FBXL7: variants seen among roughly 807,000 people sequenced by gnomAD.
FBXL7 encodes F-box/LRR-repeat protein 7.
Under a neutral mutation model 38.3 loss-of-function variants are expected in FBXL7, and 12 were observed. The observed-to-expected ratio is 0.31, with a 90% CI of 0.20 to 0.51. FBXL7 has a LOEUF of 0.51. FBXL7 is among the 20% of genes least tolerant of loss of function. FBXL7 has a pLI of 0.98. For missense variants in FBXL7, 567 were observed against 676.4 expected (o/e 0.84, Z 1.79); for synonymous variants, 297 against 300.9 (o/e 0.99, Z 0.13).
intron 2 of FBXL7, among the ~76,000 whole-genome samples, chr5:15,645,028 A>G (rs1741487256): frequency 6.6e-6 from 1 of 152,212 alleles, no homozygotes; most frequent in South Asian, 2.1e-4. Context: ...GGGCTAAATG[A>G]TATACAAGGC....
intron 2 of FBXL7, among the ~76,000 whole-genome samples, chr5:15,795,660 A>G (rs571159899): frequency 4.4e-4 from 67 of 152,294 alleles, no homozygotes; most frequent in African/African-American, 1.5e-3. Flanking sequence ...AAATCAGCTT[A>G]TGGATTTTGT....
intron 2 of FBXL7, among the ~76,000 whole-genome samples, chr5:15,882,992 C>A (rs1740522791): frequency 6.6e-6 from 1 of 151,730 alleles, no homozygotes. Flanking sequence ...TAAAATGGGA[C>A]CCAGCTTGCT....
intron 2 of FBXL7, among the ~76,000 whole-genome samples, chr5:15,856,361 C>A (rs1739272026): frequency 6.6e-6 from 1 of 151,942 alleles, no homozygotes; most frequent in Non-Finnish European, 1.5e-5. Flanking sequence ...GGACACAGAG[C>A]TAAACCAGGG....
At chr5:15,719,304 T>C (rs1005460330) in intron 2 of FBXL7, among the ~76,000 whole-genome samples, 1 of 152,224 alleles carries the variant, frequency 6.6e-6, no homozygotes, top group African/African-American at 2.4e-5. Flanking sequence ...TTCCATTTTT[T>C]CCTTTTTCTT....
chr5:15,811,061 A>G lies in FBXL7; in HGVS notation c.128-116829A>G, dbSNP rs537373083. On this transcript the variant is annotated intron_variant, in intron 2 of 3. Transcript: ENST00000504595. ...ATAGCTCACAAGCCTATGAGAAATTATGAGCTTTACAGTTACTAACCATCC... is the reference window on the plus strand; with the variant it reads ...ATAGCTCACAAGCCTATGAGAAATTGTGAGCTTTACAGTTACTAACCATCC... Among the ~76,000 whole-genome samples the G allele has an allele frequency of 2.8e-3, 429 of 152,316 alleles. 1 individual carries two copies. The highest frequency in any genetic ancestry group is 9.6e-3 in the African/African-American group (401 of 41,580).
At chr5:15,852,674 G>A (rs1282271725) in intron 2 of FBXL7, among the ~76,000 whole-genome samples, 1 of 150,988 alleles carries the variant, frequency 6.6e-6, no homozygotes, top group East Asian at 1.9e-4. Context: ...ATCTGAAATA[G>A]TTTCCCCTGG....
chr5:15,528,655 A>G (rs921824037), intron 1 of FBXL7, among the ~76,000 whole-genome samples: 15 of 152,312 alleles, frequency 9.8e-5, no homozygotes, highest in African/African-American at 2.2e-4. Context: ...CCATTATTCA[A>G]TTACCTCCCA....
chr5:15,898,844 C>T (rs1050230279), intron 2 of FBXL7, among the ~76,000 whole-genome samples: 1 of 152,148 alleles, frequency 6.6e-6, no homozygotes, highest in African/African-American at 2.4e-5. Context: ...TCTGGGATGT[C>T]ACTTCATTGC....
chr5:15,699,210 C>G (rs975454064), intron 2 of FBXL7, among the ~76,000 whole-genome samples: 1 of 152,080 alleles, frequency 6.6e-6, no homozygotes, highest in Admixed American at 6.6e-5. Flanking sequence ...CTGGGGGCTA[C>G]CGAAACAAAG....
chr5:15,817,695 G>C (rs1738055551), intron 2 of FBXL7, among the ~76,000 whole-genome samples: 1 of 152,110 alleles, frequency 6.6e-6, no homozygotes, highest in African/African-American at 2.4e-5. Flanking sequence ...CCCTGCACAA[G>C]CCCTCTTGCC....
intron 2 of FBXL7, among the ~76,000 whole-genome samples, chr5:15,708,330 C>A (rs758322518): frequency 1.3e-5 from 2 of 152,294 alleles, no homozygotes; most frequent in South Asian, 2.1e-4. Context: ...GTTCCCATTT[C>A]GAATCTCATT....
chr5:15,699,796 G>C (rs575489279), intron 2 of FBXL7, among the ~76,000 whole-genome samples: 2 of 152,092 alleles, frequency 1.3e-5, no homozygotes, highest in Non-Finnish European at 2.9e-5. Flanking sequence ...ATTATCCTTC[G>C]GTAGGAAATC....
intron 2 of FBXL7, among the ~76,000 whole-genome samples, chr5:15,777,723 A>AAC: frequency 9.6e-6 from 1 of 104,010 alleles, no homozygotes; most frequent in African/African-American, 3.2e-5. Flanking sequence ...ATTCTGGTAA[A>AAC]AAAAAAAAAA....
At chr5:15,877,325 A>G (rs548341322) in intron 2 of FBXL7, among the ~76,000 whole-genome samples, 2 of 152,386 alleles carry the variant, frequency 1.3e-5, no homozygotes, top group African/African-American at 4.8e-5. Flanking sequence ...TTGCTCAGTC[A>G]CTTTGCATAG....
intron 2 of FBXL7, among the ~76,000 whole-genome samples, chr5:15,774,903 T>G (rs1736820974): frequency 6.6e-6 from 1 of 152,150 alleles, no homozygotes; most frequent in Admixed American, 6.5e-5. Flanking sequence ...TCAGTTTCTC[T>G]GTCTTGTTTA....
chr5:15,596,064 A>T (rs565905196), intron 1 of FBXL7, among the ~76,000 whole-genome samples: 1 of 152,322 alleles, frequency 6.6e-6, no homozygotes, highest in South Asian at 2.1e-4. Flanking sequence ...GGAAAAATGG[A>T]GACTTACAGA....
intron 2 of FBXL7, among the ~76,000 whole-genome samples, chr5:15,839,133 T>C (rs75571022): frequency 6.6e-6 from 1 of 151,984 alleles, no homozygotes; most frequent in African/African-American, 2.4e-5. Context: ...TGTTAGTACT[T>C]AGATTCTGAG....
At position 15,780,586 on chromosome 5, in the gene FBXL7, C is replaced by A. The variant is rs544265412; in HGVS notation, c.128-147304C>A. Among the ~76,000 whole-genome samples the A allele has an allele frequency of 3.9e-5, 6 of 152,186 alleles. No homozygotes were observed. In the East Asian group the frequency reaches 9.7e-4, roughly 25 times the overall value. ...CATATTGTTTAGTCAACAGGCACTT[C>A]TAAGATATGAGCTCAGGGAGTCCTG... On this transcript the variant is annotated intron_variant, in intron 2 of 3. Transcript: ENST00000504595.
intron 2 of FBXL7, among the ~76,000 whole-genome samples, chr5:15,839,544 C>T (rs1479187635): frequency 6.6e-6 from 1 of 151,536 alleles, no homozygotes; most frequent in Non-Finnish European, 1.5e-5. Flanking sequence ...CTGTATGTGC[C>T]CTGATCAATG....
Sources: allele counts gnomAD v4.1 joint callset (sites outside exome capture counted in the v4.1 genomes callset), GRCh38; gene constraint gnomAD v4.1.1; transcripts MANE v1.5; gene names NCBI Gene and HGNC (gene_info 2026-07-23, HGNC 2026-07-21).